Variants in ZNF292 observed in about 807,000 individuals in gnomAD.
The protein encoded by ZNF292 is zinc finger protein 292.
ZNF292 carries 26 observed loss-of-function variants against 217.9 expected under a neutral mutation model. That is an observed-to-expected ratio of 0.12 (90% CI 0.09 to 0.17). ZNF292 has a LOEUF of 0.17. ZNF292 is among the 10% of genes least tolerant of loss of function. The pLI is 1.00. For synonymous variants in ZNF292, 1,257 were observed against 1,124.1 expected (o/e 1.12, Z -2.37); for missense variants, 2,904 against 3,175.2 (o/e 0.91, Z 2.05).
chr6:87,184,499 A>T (rs928260392), intron 1 of ZNF292, among the ~76,000 whole-genome samples: 2 of 131,648 alleles, frequency 1.5e-5, no homozygotes, highest in Admixed American at 7.7e-5. Flanking sequence ...TTGAGGGGAC[A>T]GTTCCGTAGA....
At chr6:87,218,865 T>G (rs1772925743) in intron 4 of ZNF292, 134 bp downstream of exon 4, 2 of 904,694 alleles carry the variant, frequency 2.2e-6, no homozygotes, top group Non-Finnish European at 3.2e-6. Flanking sequence ...TGAGGTGTGC[T>G]TGAGGCCCTG....
At chr6:87,235,738 TGGAAC>T (rs745850821) in intron 5 of ZNF292, among the ~76,000 whole-genome samples, 3 of 152,144 alleles carry the variant, frequency 2.0e-5, no homozygotes, top group Non-Finnish European at 4.4e-5. Context: ...CAGTGTCATA[TGGAAC>T]TATTTCCCTC....
chr6:87,164,400 A>T (rs1358806379), intron 1 of ZNF292, among the ~76,000 whole-genome samples: 1 of 152,158 alleles, frequency 6.6e-6, no homozygotes, highest in Non-Finnish European at 1.5e-5. Flanking sequence ...ATGATGTCCC[A>T]TTAGCTACTG....
At chr6:87,180,439 C>G (rs1582388171) in intron 1 of ZNF292, among the ~76,000 whole-genome samples, 1 of 24,128 alleles carries the variant, frequency 4.1e-5, no homozygotes, top group African/African-American at 8.3e-4. Context: ...AGCAGACAGA[C>G]CCTTGTCTAG....
chr6:87,187,127 A>C (rs559698725), intron 1 of ZNF292, among the ~76,000 whole-genome samples: 2 of 152,208 alleles, frequency 1.3e-5, no homozygotes, highest in African/African-American at 4.8e-5. Context: ...GACAAACAGT[A>C]ATCCAAAGTT....
chr6:87,187,850 G>C (rs571667403), intron 1 of ZNF292, among the ~76,000 whole-genome samples: 2 of 152,128 alleles, frequency 1.3e-5, no homozygotes, highest in African/African-American at 4.8e-5. Flanking sequence ...GTAGACCCCA[G>C]GCATGTAAAT....
intron 4 of ZNF292, chr6:87,223,955 A>G (rs899433505): frequency 2.0e-5 from 3 of 152,192 alleles, no homozygotes; most frequent in Admixed American, 6.5e-5. Context: ...CTCCAAGTCT[A>G]ATTCATTAAC....
Position 87,236,822 on chromosome 6 carries a change from A to T in ZNF292, c.741+3295A>T, listed in dbSNP as rs560146277. Among the ~76,000 whole-genome samples the T allele has an allele frequency of 2.4e-4, 36 of 152,298 alleles. No homozygotes were observed. In the East Asian group the frequency reaches 5.8e-3, roughly 24 times the overall value. ...TGTGGACATGTTTCCATATCATTTC[A>T]TATAGATCAACCTTATTCTTTCTCA... is the stretch of plus-strand genomic sequence containing the variant. On this transcript the variant is annotated intron_variant, in intron 5 of 7. Coordinates refer to ENST00000369577, the MANE Select transcript of ZNF292 (RefSeq NM_015021.3).
chr6:87,209,780 TA>T (rs1772405159), intron 1 of ZNF292, among the ~76,000 whole-genome samples: 1 of 152,226 alleles, frequency 6.6e-6, no homozygotes, highest in South Asian at 2.1e-4. Flanking sequence ...TATAAGTAAG[TA>T]AAAGTCTCAG....
rs753744151 is a variant in ZNF292, at chr6:87,256,620, T to C, written c.2991T>C (p.Asp997=). 1 of 1,613,668 alleles carries C rather than the reference T, an allele frequency of 6.2e-7. No individual in the cohort carries two copies. Among genetic ancestry groups the C allele is most frequent in the Admixed American group, 1.7e-5 (1 of 59,984 alleles). ...QERKEQDCFN[D]AHVTQNSLVN... is the part of the protein sequence containing the mutation. ...GAAAAGAACAAGATTGCTTTAATGA[T>C]GCCCATGTTACTCAGAATTCTTTAG... Residue 997 remains aspartate, a synonymous_variant, in exon 8 of 8, where the codon GAT becomes GAC. Transcript: ENST00000369577.
At chr6:87,179,570 C>T (rs1771406297) in intron 1 of ZNF292, among the ~76,000 whole-genome samples, 1 of 152,054 alleles carries the variant, frequency 6.6e-6, no homozygotes, top group Non-Finnish European at 1.5e-5. Flanking sequence ...TACCAGAAAA[C>T]ATTTGAATAG....
rs374486694 is a variant in ZNF292 at position 87,233,304 on chromosome 6, A to T, written c.539-21A>T. On this transcript the variant is annotated intron_variant, in intron 4 of 7. Transcript: ENST00000369577. ...AATTATTACCAAATGTTAATAATCTATTATGTCTTGTTTTTTAAAGTGAAT... is the reference window on the plus strand; with the variant it reads ...AATTATTACCAAATGTTAATAATCTTTTATGTCTTGTTTTTTAAAGTGAAT... 1.9e-6 allele frequency: 3 copies of T among 1,545,982 alleles called. No homozygotes were observed. In the East Asian group the frequency reaches 6.8e-5, roughly 35 times the overall value.
In ZNF292 at chr6:87,264,554, T is replaced by G. The variant is rs973172742; in HGVS notation, c.*2753T>G. Among the ~76,000 whole-genome samples the G allele has an allele frequency of 2.6e-5, 4 of 152,138 alleles. No homozygotes were observed. Among genetic ancestry groups the G allele is most frequent in the Admixed American group, 6.6e-5 (1 of 15,264 alleles). Reference sequence around the variant, plus strand: ...TTTTTCTGGAAAAGGAGGTAGGTAGTTGGGAAAGTCTTTGTAGAAAATATG... The same window carrying G: ...TTTTTCTGGAAAAGGAGGTAGGTAGGTGGGAAAGTCTTTGTAGAAAATATG... On this transcript the variant is annotated 3_prime_UTR_variant, in exon 8 of 8. Coordinates refer to ENST00000369577, the MANE Select transcript of ZNF292 (RefSeq NM_015021.3).
chr6:87,214,495 C>T (rs2127800806), intron 1 of ZNF292, among the ~76,000 whole-genome samples: 1 of 152,172 alleles, frequency 6.6e-6, no homozygotes, highest in East Asian at 1.9e-4. Context: ...CAGGGTTCAT[C>T]TGGGAAAGAT....
At chr6:87,193,197 A>C (rs925196077) in intron 1 of ZNF292, among the ~76,000 whole-genome samples, 7 of 152,062 alleles carry the variant, frequency 4.6e-5, no homozygotes, top group Non-Finnish European at 8.8e-5. Flanking sequence ...CCAAAATCTT[A>C]AAGTTTTTGA....
chr6:87,247,995 T>C (rs545124652), intron 7 of ZNF292, among the ~76,000 whole-genome samples: 43 of 152,326 alleles, frequency 2.8e-4, no homozygotes, highest in African/African-American at 1.0e-3. Context: ...CTTCCACTTA[T>C]TTTTTACTAT....
intron 7 of ZNF292, among the ~76,000 whole-genome samples, 190 bp downstream of exon 7, chr6:87,245,834 G>C (rs1008045946): frequency 1.3e-5 from 2 of 152,002 alleles, no homozygotes; most frequent in African/African-American, 4.8e-5. Flanking sequence ...TGAGAACCAG[G>C]GACTTGTTCT....
rs766389937 is a variant in ZNF292, at chr6:87,263,658, TTAAAA to T, written c.*1863_*1867del. 5 of 152,120 alleles carry T rather than the reference TTAAAA, an allele frequency of 3.3e-5. No individual in the cohort carries two copies. Among genetic ancestry groups the T allele is most frequent in the Admixed American group, 3.3e-4 (5 of 15,264 alleles). The allele number at this position is 152,120 out of a possible 1,614,324, so 9.4% of individuals were successfully genotyped here. ...CCTTTGGTGAGCCCACTGTTATTTA[TTAAAA>T]TAAAAGTTATTTTATGGGTGATTAA... On this transcript the variant is annotated 3_prime_UTR_variant, in exon 8 of 8. Coordinates refer to ENST00000369577, the MANE Select transcript of ZNF292 (RefSeq NM_015021.3).
intron 1 of ZNF292, among the ~76,000 whole-genome samples, chr6:87,214,489 G>A (rs998813751): frequency 1.3e-5 from 2 of 152,100 alleles, no homozygotes; most frequent in Admixed American, 1.3e-4. Flanking sequence ...TTGTTTCAGG[G>A]TTCATCTGGG....
Sources: allele counts gnomAD v4.1 joint callset (sites outside exome capture counted in the v4.1 genomes callset), GRCh38; gene constraint gnomAD v4.1.1; transcripts MANE v1.5; gene names NCBI Gene and HGNC (gene_info 2026-07-23, HGNC 2026-07-21).